Variants in TMEM236 observed in about 807,000 individuals in gnomAD.
TMEM236 encodes the protein family with sequence similarity 23, member A.
TMEM236 carries 11 observed loss-of-function variants against 14.7 expected under a neutral mutation model. That is an observed-to-expected ratio of 0.75 (90% CI 0.47 to 1.24). The LOEUF is 1.24. Among genes scored for constraint, TMEM236 ranks in the 50% most tolerant of loss-of-function variants. TMEM236 has a pLI of 0.00. For missense variants in TMEM236, 464 were observed against 427.3 expected, an observed-to-expected ratio of 1.09 and a Z score of -0.76; for synonymous variants, 182 against 168.6, an observed-to-expected ratio of 1.08 and a Z score of -0.62.
chr10:17,754,175 G>A (rs1292774029), intron 1 of TMEM236, among the ~76,000 whole-genome samples: 2 of 152,278 alleles, frequency 1.3e-5, no homozygotes, highest in East Asian at 3.9e-4. Context: ...CTCATAATCA[G>A]AAGATGGTAA....
intron 1 of TMEM236, among the ~76,000 whole-genome samples, chr10:17,755,048 C>A (rs1490909016): frequency 6.6e-6 from 1 of 151,952 alleles, no homozygotes; most frequent in Non-Finnish European, 1.5e-5. Flanking sequence ...AAGCAATTAT[C>A]CTGCCTCAGC....
rs1838055735 is a variant in TMEM236, at chr10:17,798,885, C to G, written c.*2381C>G. The stretch of plus-strand genomic sequence containing the variant: ...GAACGGGTACCAAGTCTCCAAGAAA[C>G]AAGTATCTCAATGCAGTTTTAGAAA... On this transcript the variant is annotated 3_prime_UTR_variant, in exon 4 of 4. Coordinates refer to ENST00000377495, the MANE Select transcript of TMEM236 (RefSeq NM_001098844.3). 2.9e-6 allele frequency: 1 copy of G among 343,264 alleles called. No individual in the cohort carries two copies. Among genetic ancestry groups the G allele is most frequent in the African/African-American group, 2.2e-5 (1 of 46,428 alleles). The allele number at this position is 343,264 out of a possible 1,614,324, so 21.3% of individuals were successfully genotyped here. A position where few individuals can be genotyped will look rare whatever the true frequency, so the allele number is the denominator to read the frequency against.
chr10:17,778,840 T>C (rs1222403823), intron 3 of TMEM236, among the ~76,000 whole-genome samples: 6 of 152,230 alleles, frequency 3.9e-5, no homozygotes, highest in African/African-American at 1.4e-4. Flanking sequence ...GTTATTCTGC[T>C]GACAAAATAT....
At chr10:17,771,256 G>C in intron 1 of TMEM236, 53 bp from the exon 2 acceptor site, 1 of 1,531,670 alleles carries the variant, frequency 6.5e-7, no homozygotes, top group South Asian at 1.1e-5. Context: ...AATGTAAGAG[G>C]AACTGTCGAT....
chr10:17,768,930 A>T (rs928884536), intron 1 of TMEM236, among the ~76,000 whole-genome samples: 10 of 152,162 alleles, frequency 6.6e-5, no homozygotes, highest in Non-Finnish European at 1.0e-4. Flanking sequence ...TGTGAAATTT[A>T]CCATCTTAAT....
At chr10:17,786,255 G>T (rs1837835890) in intron 3 of TMEM236, among the ~76,000 whole-genome samples, 1 of 152,100 alleles carries the variant, frequency 6.6e-6, no homozygotes, top group Admixed American at 6.5e-5. Context: ...ATATTATTAT[G>T]GACCAGTTTG....
Position 17,798,863 on chromosome 10 carries a change from C to T in TMEM236, c.*2359C>T, listed in dbSNP as rs1011900269. On this transcript the variant is annotated 3_prime_UTR_variant, in exon 4 of 4. Coordinates refer to ENST00000377495, the MANE Select transcript of TMEM236 (RefSeq NM_001098844.3). ...ACTTGATAAATGCTAAGCATTGGAA[C>T]GGGTACCAAGTCTCCAAGAAACAAG... 3.9e-5 allele frequency: 14 copies of T among 361,192 alleles called. No individual in the cohort carries two copies. The highest frequency in any genetic ancestry group is 1.7e-4 in the African/African-American group (8 of 46,700). The allele number at this position is 361,192 out of a possible 1,614,324, so 22.4% of individuals were successfully genotyped here.
chr10:17,790,842 A>G (rs2131766097), intron 3 of TMEM236, among the ~76,000 whole-genome samples: 1 of 152,318 alleles, frequency 6.6e-6, no homozygotes, highest in East Asian at 1.9e-4. Context: ...CTGAGTAATT[A>G]TGTTTTGGCT....
intron 1 of TMEM236, among the ~76,000 whole-genome samples, chr10:17,763,053 G>C (rs1208376022): frequency 6.6e-6 from 1 of 152,134 alleles, no homozygotes; most frequent in East Asian, 1.9e-4. Flanking sequence ...GGACTCTGTA[G>C]TCCACTGTGG....
At chr10:17,780,247 G>C (rs2131756399) in intron 3 of TMEM236, among the ~76,000 whole-genome samples, 1 of 152,142 alleles carries the variant, frequency 6.6e-6, no homozygotes, top group Middle Eastern at 3.4e-3. Flanking sequence ...CTCAAATCAG[G>C]CTTAGCTATA....
intron 3 of TMEM236, among the ~76,000 whole-genome samples, chr10:17,795,371 C>T (rs935790275): frequency 6.6e-6 from 1 of 152,144 alleles, no homozygotes; most frequent in African/African-American, 2.4e-5. Context: ...CTCTCAAGCC[C>T]GTTTCCATAG....
intron 1 of TMEM236, among the ~76,000 whole-genome samples, chr10:17,762,000 C>A (rs1341544147): frequency 6.6e-6 from 1 of 152,104 alleles, no homozygotes; most frequent in Non-Finnish European, 1.5e-5. Context: ...CTCCTCTGCC[C>A]TTTCTTTCTC....
At chr10:17,781,522 GA>G (rs1837748002) in intron 3 of TMEM236, among the ~76,000 whole-genome samples, 2 of 152,014 alleles carry the variant, frequency 1.3e-5, no homozygotes, top group Admixed American at 6.6e-5. Flanking sequence ...GGGTGGGGGG[GA>G]TCACCTGAGG....
Position 17,796,580 on chromosome 10 carries a change from C to A in TMEM236, c.*76C>A. ...TGTAATCCTTCTTTTTTTCTTGGGG[C>A]GTAGGTGTTTGCACTATAAAGGAAA... On this transcript the variant is annotated 3_prime_UTR_variant, in exon 4 of 4. Transcript: ENST00000377495. The A allele has an allele frequency of 2.3e-6, 3 of 1,323,160 alleles. No homozygotes were observed. Among genetic ancestry groups the A allele is most frequent in the South Asian group, 1.2e-5 (1 of 83,116 alleles). The allele number at this position is 1,323,160 out of a possible 1,614,324, so 82.0% of individuals were successfully genotyped here. A position where few individuals can be genotyped will look rare whatever the true frequency, so the allele number is the denominator to read the frequency against.
At chr10:17,757,321 G>C (rs1235284645) in intron 1 of TMEM236, among the ~76,000 whole-genome samples, 1 of 152,178 alleles carries the variant, frequency 6.6e-6, no homozygotes, top group Non-Finnish European at 1.5e-5. Flanking sequence ...AGTGGAGCCA[G>C]GCATGGTAGC....
At position 17,796,538 on chromosome 10, in the gene TMEM236, A is replaced by G. The variant is rs1338020723; in HGVS notation, c.*34A>G. 1 of 1,524,060 alleles carries G rather than the reference A, an allele frequency of 6.6e-7. No homozygotes were observed. The highest frequency in any genetic ancestry group is 1.4e-5 in the African/African-American group (1 of 72,768). 94.4% of individuals were successfully genotyped at this position (1,524,060 alleles called of 1,614,324 possible). A position where few individuals can be genotyped will look rare whatever the true frequency, so the allele number is the denominator to read the frequency against. On this transcript the variant is annotated 3_prime_UTR_variant, in exon 4 of 4. Transcript: ENST00000377495. Reference sequence around the variant, plus strand: ...TGGGATCTAGTAAGGCCTCTTTGTGATACCTGTGTGCACATTTGTAATCCT... The same window carrying G: ...TGGGATCTAGTAAGGCCTCTTTGTGGTACCTGTGTGCACATTTGTAATCCT...
intron 1 of TMEM236, among the ~76,000 whole-genome samples, chr10:17,765,053 C>T (rs1443922924): frequency 2.6e-4 from 39 of 152,060 alleles, no homozygotes; most frequent in Admixed American, 2.5e-3. Flanking sequence ...ATCTCTGGAC[C>T]TTGTGATCTG....
chr10:17,800,165 G>A lies in TMEM236; in HGVS notation c.*3661G>A, dbSNP rs1838073655. Reference sequence around the variant, plus strand: ...CAGAATTGCTTGAACCCGGAGGGCAGAGGTTGCAGTGAGCTGAGATCTCGC... The same window carrying A: ...CAGAATTGCTTGAACCCGGAGGGCAAAGGTTGCAGTGAGCTGAGATCTCGC... On this transcript the variant is annotated 3_prime_UTR_variant, in exon 4 of 4. Transcript: ENST00000377495. 6.6e-6 allele frequency: 1 copy of A among 151,488 alleles called. No individual in the cohort carries two copies. The highest frequency in any genetic ancestry group is 6.6e-5 in the Admixed American group (1 of 15,216). The allele number at this position is 151,488 out of a possible 1,614,324, so 9.4% of individuals were successfully genotyped here.
chr10:17,754,924 T>TTTTATTA, intron 1 of TMEM236, among the ~76,000 whole-genome samples: 1 of 146,774 alleles, frequency 6.8e-6, no homozygotes, highest in Middle Eastern at 3.5e-3. Flanking sequence ...CATACTGATG[T>TTTTATTA]TTTATTTATT....
Sources: gnomAD v4.1 joint callset for allele counts (sites outside exome capture counted in the v4.1 genomes callset) on GRCh38, gnomAD v4.1.1 for gene constraint, MANE v1.5 for transcripts, NCBI Gene and HGNC (gene_info 2026-07-23, HGNC 2026-07-21) for gene names.